RGS6: variants seen among roughly 807,000 people sequenced by gnomAD.
The protein encoded by RGS6 is regulator of G protein signaling 6, also known as regulator of G-protein signaling 6.
RGS6 carries 30 observed loss-of-function variants against 78.5 expected under a neutral mutation model. That is an observed-to-expected ratio of 0.38 (90% CI 0.29 to 0.52). The LOEUF (loss-of-function observed/expected upper bound fraction) is 0.52, where lower values mean the gene tolerates loss of function less well. RGS6 is among the 20% of genes least tolerant of loss of function. The probability of loss-of-function intolerance (pLI) is 0.85; values close to 1 mark genes in which losing one functional copy is unlikely to be tolerated. For missense variants in RGS6, 495 were observed against 609.7 expected (o/e 0.81, Z 1.98); for synonymous variants, 206 against 206.0 (o/e 1.00, Z 0.00).
At chr14:71,872,693 T>A in the RGS6 span, among the ~76,000 whole-genome samples, 1 of 152,186 alleles carries the variant, frequency 6.6e-6, no homozygotes, top group Non-Finnish European at 1.5e-5. Flanking sequence ...GTGCACAACA[T>A]GCAGGTTTGT....
intron 2 of RGS6, among the ~76,000 whole-genome samples, chr14:72,169,764 A>C (rs1236040274): frequency 1.3e-5 from 2 of 152,138 alleles, no homozygotes; most frequent in Admixed American, 6.5e-5. Context: ...ATTCTTGTCC[A>C]ATCATCTACT....
At chr14:71,954,542 G>T (rs912626299) in intron 1 of RGS6, among the ~76,000 whole-genome samples, 2 of 152,076 alleles carry the variant, frequency 1.3e-5, no homozygotes, top group African/African-American at 4.8e-5. Context: ...GGAAAATAGG[G>T]TGTCCATCCC....
chr14:72,055,312 A>AT (rs143658724), intron 2 of RGS6, among the ~76,000 whole-genome samples: 21,514 of 150,450 alleles, frequency 0.14, 1,724 homozygotes, highest in Non-Finnish European at 0.18. Context: ...TCAGACATCA[A>AT]TTTTTTTTTT....
chr14:71,909,576 T>G, the RGS6 span, among the ~76,000 whole-genome samples: 430 of 145,896 alleles, frequency 2.9e-3, no homozygotes, highest in Middle Eastern at 0.01. Context: ...AATAAGGACA[T>G]AGAGAGAGGG....
intron 15 of RGS6, among the ~76,000 whole-genome samples, chr14:72,530,545 G>A (rs2097169603): frequency 6.6e-6 from 1 of 152,100 alleles, no homozygotes; most frequent in Non-Finnish European, 1.5e-5. Context: ...ATAAAAATTA[G>A]CCAGGCGTGG....
chr14:72,493,690 G>T (rs1443784714), intron 12 of RGS6, among the ~76,000 whole-genome samples: 1 of 151,928 alleles, frequency 6.6e-6, no homozygotes, highest in Non-Finnish European at 1.5e-5. Flanking sequence ...ATTCTAAGTT[G>T]ACAGAGAGAA....
chr14:72,282,341 C>T (rs2061721253), intron 2 of RGS6, among the ~76,000 whole-genome samples: 1 of 152,176 alleles, frequency 6.6e-6, no homozygotes, highest in African/African-American at 2.4e-5. Context: ...GACAGATCAT[C>T]AGTGTGCTAC....
chr14:72,011,297 G>T (rs1321946571), intron 2 of RGS6, among the ~76,000 whole-genome samples: 2 of 152,110 alleles, frequency 1.3e-5, no homozygotes, highest in Non-Finnish European at 2.9e-5. Context: ...AAGGGTTCTA[G>T]TCCTGCTTTC....
In RGS6 at chr14:71,977,732, C is replaced by T. The variant is rs1019496196; in HGVS notation, c.84+12857C>T. Among the ~76,000 whole-genome samples the T allele has an allele frequency of 5.5e-3, 838 of 151,300 alleles. 6 individuals carry two copies. The highest frequency in any genetic ancestry group is 9.1e-3 in the Non-Finnish European group (619 of 67,668). ...GCTTCGTTCTTTTGGCTTAGGATTGCCTTGGCGATGCGGGCTCTTTTTTGG... is the reference window on the plus strand; with the variant it reads ...GCTTCGTTCTTTTGGCTTAGGATTGTCTTGGCGATGCGGGCTCTTTTTTGG... On this transcript the variant is annotated intron_variant, in intron 2 of 17. Transcript: ENST00000553525.
intron 3 of RGS6, among the ~76,000 whole-genome samples, chr14:72,404,447 G>A (rs921887395): frequency 1.3e-5 from 2 of 152,138 alleles, no homozygotes; most frequent in African/African-American, 4.8e-5. Context: ...TCCAGATCCT[G>A]AGAACCACCC....
chr14:72,254,819 G>A (rs546187324), intron 2 of RGS6, among the ~76,000 whole-genome samples: 4 of 152,254 alleles, frequency 2.6e-5, no homozygotes, highest in Admixed American at 1.3e-4. Flanking sequence ...TGCCTCAGGG[G>A]CTCAGGCTCA....
downstream of RGS6, among the ~76,000 whole-genome samples, chr14:72,567,264 A>C (rs1417218274): frequency 6.6e-6 from 1 of 152,150 alleles, no homozygotes; most frequent in Non-Finnish European, 1.5e-5. Context: ...CCACAGAGTT[A>C]AGATCAAGTC....
At chr14:72,388,454 G>A (rs10149848) in intron 3 of RGS6, among the ~76,000 whole-genome samples, 19,420 of 152,134 alleles carry the variant, frequency 0.13, 1,619 homozygotes, top group African/African-American at 0.23. Context: ...ACACAGCTGT[G>A]CAAGAGTTAA....
Position 72,465,741 on chromosome 14 carries a change from T to C in RGS6, c.395-17T>C. The C allele has an allele frequency of 6.2e-7, 1 of 1,605,750 alleles. No individual in the cohort carries two copies. The highest frequency in any genetic ancestry group is 8.5e-7 in the Non-Finnish European group (1 of 1,172,502). Reference sequence around the variant, plus strand: ...CTGCTGGTTTTGTACATGTTGTCATTTCCTTTCTTCCCTCAGCCATCTATC... The same window carrying C: ...CTGCTGGTTTTGTACATGTTGTCATCTCCTTTCTTCCCTCAGCCATCTATC... On this transcript the variant is annotated splice_polypyrimidine_tract_variant and intron_variant, in intron 6 of 17. Transcript: ENST00000553525.
intron 9 of RGS6, 125 bp from the exon 10 acceptor site, chr14:72,474,500 A>G (rs2096181772): frequency 4.7e-6 from 4 of 847,766 alleles, no homozygotes; most frequent in Non-Finnish European, 7.3e-6. Context: ...GGCAAAATGG[A>G]AAAAAAAATC....
chr14:71,894,545 T>C, the RGS6 span, among the ~76,000 whole-genome samples: 1 of 152,322 alleles, frequency 6.6e-6, no homozygotes, highest in South Asian at 2.1e-4. Flanking sequence ...ACTTTCTTAA[T>C]AAACTTGCCT....
At chr14:72,332,172 T>C (rs2075192769) in intron 2 of RGS6, among the ~76,000 whole-genome samples, 2 of 152,186 alleles carry the variant, frequency 1.3e-5, no homozygotes, top group African/African-American at 2.4e-5. Context: ...CACGGTGGGC[T>C]GCTGCCAGAA....
chr14:72,585,487 C>T, the RGS6 span, among the ~76,000 whole-genome samples: 2 of 152,224 alleles, frequency 1.3e-5, no homozygotes, highest in Non-Finnish European at 2.9e-5. Context: ...AAAGTCTCAA[C>T]CAAGGCCTCA....
chr14:72,319,432 C>A (rs1318679885), intron 2 of RGS6, among the ~76,000 whole-genome samples: 1 of 151,874 alleles, frequency 6.6e-6, no homozygotes, highest in African/African-American at 2.4e-5. Flanking sequence ...TCACTGCAAC[C>A]TCCACCTCCC....
Sources: allele counts gnomAD v4.1 joint callset (sites outside exome capture counted in the v4.1 genomes callset), GRCh38; gene constraint gnomAD v4.1.1; transcripts MANE v1.5; gene names NCBI Gene and HGNC (gene_info 2026-07-23, HGNC 2026-07-21).